The following VWA3B variants were observed in gnomAD, a reference collection of about 807,000 sequenced individuals.
VWA3B encodes von Willebrand factor A domain containing 3B.
In VWA3B, 138 loss-of-function variants were observed where a neutral mutation model predicts 158.3. The ratio of observed to expected loss-of-function variants is 0.87; its 90% CI spans 0.76 to 1.00. The LOEUF (loss-of-function observed/expected upper bound fraction) is 1.00, where lower values mean the gene tolerates loss of function less well. VWA3B is among the 50% of genes least tolerant of loss of function. VWA3B has a pLI of 0.00. For missense variants in VWA3B, 1,555 were observed against 1,565.1 expected, an observed-to-expected ratio of 0.99 and a Z score of 0.11; for synonymous variants, 596 against 587.3, an observed-to-expected ratio of 1.01 and a Z score of -0.21.
At chr2:98,303,858 A>T in intron 26 of VWA3B, 56 bp downstream of exon 26, 1 of 1,550,564 alleles carries the variant, frequency 6.4e-7, no homozygotes, top group Non-Finnish European at 8.9e-7. Flanking sequence ...TGCACCTTTA[A>T]TCTGTTTTTG....
intron 7 of VWA3B, among the ~76,000 whole-genome samples, chr2:98,145,486 G>A (rs937121729): frequency 6.6e-6 from 1 of 152,156 alleles, no homozygotes; most frequent in African/African-American, 2.4e-5. Context: ...TCAAACTCAA[G>A]ACTGTTCTCA....
In VWA3B at chr2:98,275,454, GAGGCCCGGGGT is replaced by G. The variant is rs373004764; in HGVS notation, c.3045+4574_3045+4584del. ...GAGAGTAGAAGGGACCAAGGCGGAT[GAGGCCCGGGGT>G]AGAGAGCCAAGGACAAGAGGCAGAA... On this transcript the variant is annotated intron_variant, in intron 22 of 27. Transcript: ENST00000477737. 5.7e-3 allele frequency among the ~76,000 whole-genome samples: 868 copies of G among 152,288 alleles called. 6 individuals carry two copies. Among genetic ancestry groups the G allele is most frequent in the African/African-American group, 0.02 (820 of 41,546 alleles).
At chr2:98,096,547 G>A (rs1383044477) in intron 2 of VWA3B, among the ~76,000 whole-genome samples, 1 of 152,184 alleles carries the variant, frequency 6.6e-6, no homozygotes, top group South Asian at 2.1e-4. Context: ...GGGATTACAG[G>A]TGTGAGCCAC....
rs1690340288 is a variant in VWA3B, at chr2:98,303,690, G to A, written c.3421-12G>A. The A allele has an allele frequency of 1.2e-6, 2 of 1,611,816 alleles. No homozygotes were observed. The highest frequency in any genetic ancestry group is 1.7e-6 in the Non-Finnish European group (2 of 1,177,990). Reference sequence around the variant, plus strand: ...GATTTAAGTTGAGTGAACTCTGTTGGTATTATTACAGGAATTTTGCCCTCG... The same window carrying A: ...GATTTAAGTTGAGTGAACTCTGTTGATATTATTACAGGAATTTTGCCCTCG... On this transcript the variant is annotated splice_polypyrimidine_tract_variant and intron_variant, in intron 25 of 27. Coordinates refer to ENST00000477737, the MANE Select transcript of VWA3B (RefSeq NM_144992.5).
intron 19 of VWA3B, among the ~76,000 whole-genome samples, chr2:98,243,622 C>T (rs1414056322): frequency 2.6e-5 from 4 of 151,896 alleles, no homozygotes; most frequent in Admixed American, 2.6e-4. Context: ...GCAAGAGCCA[C>T]CATGTAATTT....
chr2:98,097,014 A>G (rs1209461278), intron 2 of VWA3B, among the ~76,000 whole-genome samples: 1 of 152,172 alleles, frequency 6.6e-6, no homozygotes, highest in Admixed American at 6.5e-5. Flanking sequence ...CTTTCCTCTT[A>G]GACTGCTTTT....
rs763216863 is a variant in VWA3B, at chr2:98,202,969, C to A, written c.1737+8477C>A. ...TGCCTCAGCCTCCAGAGTAGCTAGG[C>A]CTACAGGCATGTACCACCATGCCTG... is the stretch of plus-strand genomic sequence containing the variant. On this transcript the variant is annotated intron_variant, in intron 12 of 27. Transcript: ENST00000477737. Among the ~76,000 whole-genome samples the A allele has an allele frequency of 1.2e-3, 175 of 152,106 alleles. 1 individual carries two copies. The highest frequency in any genetic ancestry group is 1.7e-3 in the Non-Finnish European group (115 of 67,978).
At chr2:98,302,173 G>C (rs1690239321) in intron 25 of VWA3B, among the ~76,000 whole-genome samples, 1 of 145,892 alleles carries the variant, frequency 6.9e-6, no homozygotes, top group Non-Finnish European at 1.5e-5. Flanking sequence ...TCAAGTCCCA[G>C]GCTTTTGCCT....
In VWA3B at chr2:98,275,317, G is replaced by A. The variant is rs116193000; in HGVS notation, c.3045+4434G>A. ...CTCTTGATTCTTAGATACCCGTGGG[G>A]CACACAGGTGAGAGAGGCCAATAAA... is the stretch of plus-strand genomic sequence containing the variant. On this transcript the variant is annotated intron_variant, in intron 22 of 27. Coordinates refer to ENST00000477737, the MANE Select transcript of VWA3B (RefSeq NM_144992.5). Among the ~76,000 whole-genome samples, 983 of 152,348 alleles carry A rather than the reference G, an allele frequency of 6.5e-3. 8 individuals carry two copies. Among genetic ancestry groups the A allele is most frequent in the African/African-American group, 0.023 (939 of 41,566 alleles).
At chr2:98,299,002 G>A (rs1252842863) in intron 24 of VWA3B, among the ~76,000 whole-genome samples, 2 of 152,236 alleles carry the variant, frequency 1.3e-5, no homozygotes, top group Admixed American at 6.5e-5. Context: ...TGGAAAGGGA[G>A]GGTTGCAGGG....
chr2:98,330,321 A>G, the VWA3B span, among the ~76,000 whole-genome samples: 2 of 152,162 alleles, frequency 1.3e-5, no homozygotes, highest in African/African-American at 4.8e-5. Context: ...CCGGAGACTT[A>G]TAGTCCCAGG....
intron 6 of VWA3B, 62 bp downstream of exon 6, chr2:98,128,470 A>G (rs1285421636): frequency 6.4e-7 from 1 of 1,571,712 alleles, no homozygotes; most frequent in African/African-American, 1.4e-5. Context: ...CAGGATCAAC[A>G]GTGGGTCTTG....
At chr2:98,162,072 T>C (rs762024804) in intron 7 of VWA3B, among the ~76,000 whole-genome samples, 64 of 152,150 alleles carry the variant, frequency 4.2e-4, no homozygotes, top group Middle Eastern at 3.2e-3. Flanking sequence ...GGCTGGGACC[T>C]TGACTTTGAT....
chr2:98,167,387 G>A (rs1051963106), intron 8 of VWA3B, among the ~76,000 whole-genome samples: 2 of 152,052 alleles, frequency 1.3e-5, no homozygotes, highest in Non-Finnish European at 2.9e-5. Context: ...TGACAAAAAT[G>A]TATGAATCAA....
chr2:98,089,825 T>A (rs565197146), intron 1 of VWA3B, among the ~76,000 whole-genome samples: 16 of 152,130 alleles, frequency 1.1e-4, no homozygotes, highest in South Asian at 4.2e-4. Flanking sequence ...ACACTTTTTT[T>A]AAAAATTAAT....
chr2:98,093,411 A>G (rs1682492705), intron 2 of VWA3B, 123 bp downstream of exon 2: 1 of 953,584 alleles, frequency 1.0e-6, no homozygotes, highest in South Asian at 1.7e-5. Context: ...TTATATCCCT[A>G]TCAGTAGAAA....
intron 5 of VWA3B, 85 bp from the exon 6 acceptor site, chr2:98,128,154 T>A (rs1675531389): frequency 6.7e-7 from 1 of 1,491,896 alleles, no homozygotes; most frequent in Non-Finnish European, 9.1e-7. Context: ...TAAGAGATCG[T>A]TTTGTAGAAT....
chr2:98,100,237 C>T (rs1682987605), intron 2 of VWA3B, among the ~76,000 whole-genome samples: 1 of 152,212 alleles, frequency 6.6e-6, no homozygotes, highest in South Asian at 2.1e-4. Flanking sequence ...TAACCCTGTC[C>T]ACAGATTCTG....
intron 7 of VWA3B, among the ~76,000 whole-genome samples, chr2:98,134,978 T>C (rs1676148886): frequency 6.6e-6 from 1 of 152,094 alleles, no homozygotes; most frequent in South Asian, 2.1e-4. Flanking sequence ...TGGAAACCTT[T>C]GTTCCAATCA....
Sources: allele counts gnomAD v4.1 joint callset (sites outside exome capture counted in the v4.1 genomes callset), GRCh38; gene constraint gnomAD v4.1.1; transcripts MANE v1.5; gene names NCBI Gene and HGNC (gene_info 2026-07-23, HGNC 2026-07-21).